Variants in HSPA8 observed in about 807,000 individuals in gnomAD.
HSPA8 encodes the protein heat shock cognate 71 kDa protein.
In HSPA8, 2 loss-of-function variants were observed where a neutral mutation model predicts 52.8. The observed-to-expected ratio is 0.04, with a 90% CI of 0.02 to 0.12. HSPA8 has a LOEUF of 0.12. HSPA8 is among the 10% of genes least tolerant of loss of function. HSPA8 has a pLI of 1.00. For synonymous variants in HSPA8, 436 were observed against 274.0 expected (o/e 1.59, Z -5.84); for missense variants, 349 against 800.5 (o/e 0.44, Z 6.81).
rs1319082567 is a variant in HSPA8, at chr11:123,060,809, T to C, written c.206-11A>G. 3.7e-6 allele frequency: 6 copies of C among 1,601,896 alleles called. No homozygotes were observed. Among genetic ancestry groups the C allele is most frequent in the Non-Finnish European group, 5.1e-6 (6 of 1,176,946 alleles). On this transcript the variant is annotated splice_polypyrimidine_tract_variant and intron_variant, in intron 2 of 8. Coordinates refer to ENST00000534624, the MANE Select transcript of HSPA8 (RefSeq NM_006597.6). The stretch of plus-strand genomic sequence containing the variant: ...TCAGACGTTTGGCATCTGTAAAAGG[T>C]GTCAAATGAAAACACTTTCAATTTC...
At position 123,057,557 on chromosome 11, in the gene HSPA8, T is replaced by TAAGTGG. The variant is rs1432698354; in HGVS notation, c.*176_*177insCCACTT. On this transcript the variant is annotated 3_prime_UTR_variant, in exon 9 of 9. Coordinates refer to ENST00000534624, the MANE Select transcript of HSPA8 (RefSeq NM_006597.6). Reference sequence around the variant, plus strand: ...TTTTCCACTTACAATACAGTGTTTATAAAGTGCAATGTTATTTCCTTCCCC... The same window carrying TAAGTGG: ...TTTTCCACTTACAATACAGTGTTTATAAGTGGAAAGTGCAATGTTATTTCCTTCCCC... 1 of 540,820 alleles carries TAAGTGG rather than the reference T, an allele frequency of 1.8e-6. No homozygotes were observed. Among genetic ancestry groups the TAAGTGG allele is most frequent in the Non-Finnish European group, 3.2e-6 (1 of 307,804 alleles). 33.5% of individuals were successfully genotyped at this position (540,820 alleles called of 1,614,324 possible).
rs1183191874 is a variant in HSPA8 at position 123,057,543 on chromosome 11, C to T, written c.*191G>A. ...TTTAAGACATTGCATTTTCCACTTA[C>T]AATACAGTGTTTATAAAGTGCAATG... On this transcript the variant is annotated 3_prime_UTR_variant, in exon 9 of 9. Transcript: ENST00000534624. 2.0e-6 allele frequency: 1 copy of T among 494,540 alleles called. No homozygotes were observed. Among genetic ancestry groups the T allele is most frequent in the Non-Finnish European group, 3.5e-6 (1 of 282,224 alleles). The allele number at this position is 494,540 out of a possible 1,614,324, so 30.6% of individuals were successfully genotyped here.
At position 123,060,042 on chromosome 11, in the gene HSPA8, C is replaced by A; in HGVS notation, c.565-14G>T. The A allele has an allele frequency of 6.2e-7, 1 of 1,614,056 alleles. No individual in the cohort carries two copies. The highest frequency in any genetic ancestry group is 8.5e-7 in the Non-Finnish European group (1 of 1,179,950). On this transcript the variant is annotated splice_polypyrimidine_tract_variant and intron_variant, in intron 4 of 8. Coordinates refer to ENST00000534624, the MANE Select transcript of HSPA8 (RefSeq NM_006597.6). ...TTCTGCTCCAACCTGCCGTTAAAAA[C>A]AATCTCATTTAAATTTACGATGGAT... is the stretch of plus-strand genomic sequence containing the variant.
chr11:123,058,403 T>C lies in HSPA8; in HGVS notation c.1604A>G (p.Lys535Arg). ...CTCAAGTGAATTCTTGGATGACACC[T>C]TGTCCCTCTGCTTCTCATCTTCAGC... ...YKAEDEKQRD[K>R]VSSKNSLESY... Residue 535 changes from lysine (K) to arginine (R), a missense_variant, in exon 8 of 9, where the codon AAG becomes AGG. Coordinates refer to ENST00000534624, the MANE Select transcript of HSPA8 (RefSeq NM_006597.6). The C allele has an allele frequency of 6.2e-7, 1 of 1,613,964 alleles. No homozygotes were observed. The highest frequency in any genetic ancestry group is 8.5e-7 in the Non-Finnish European group (1 of 1,179,914).
intron 2 of HSPA8, 90 bp downstream of exon 2, chr11:123,061,030 A>G (rs1380428285): frequency 6.7e-6 from 8 of 1,198,252 alleles, no homozygotes; most frequent in Non-Finnish European, 9.7e-6. Context: ...AGTTTTTCTA[A>G]AATCAAAAAG....
chr11:123,061,620 G>A lies in HSPA8; in HGVS notation c.-5-291C>T, dbSNP rs918523440. The A allele has an allele frequency of 6.7e-6, 3 of 447,194 alleles. No homozygotes were observed. In the South Asian group the frequency reaches 6.9e-5, roughly 10 times the overall value. 27.7% of individuals were successfully genotyped at this position (447,194 alleles called of 1,614,324 possible). Reference sequence around the variant, plus strand: ...TGAGCACTGTCTGTTCCCCTCCCTCGCCAGGTGCCAGTGCCCCCGGGAGTC... The same window carrying A: ...TGAGCACTGTCTGTTCCCCTCCCTCACCAGGTGCCAGTGCCCCCGGGAGTC... On this transcript the variant is annotated intron_variant, in intron 1 of 8. Transcript: ENST00000534624.
chr11:123,058,227 A>AG (rs1865372803), intron 8 of HSPA8, 25 bp downstream of exon 8: 1 of 420,134 alleles, frequency 2.4e-6, no homozygotes, highest in South Asian at 3.9e-5. Flanking sequence ...GTGGGGGAGG[A>AG]AAAAAAAAAA....
In HSPA8 at chr11:123,061,190, C is replaced by G; in HGVS notation, c.135G>C (p.Thr45=). ...CATCACCGATCAACCGTTCAGTGTC[C>G]GTAAAGGCGACATAGCTTGGAGTGG... is the stretch of plus-strand genomic sequence containing the variant. ...NRTTPSYVAF[T]DTERLIGDAA... The change falls in exon 2 of 9, where the codon ACG becomes ACC. Residue 45 remains threonine, a synonymous_variant. Transcript: ENST00000534624. The G allele has an allele frequency of 6.2e-7, 1 of 1,613,806 alleles. No individual in the cohort carries two copies. Among genetic ancestry groups the G allele is most frequent in the South Asian group, 1.1e-5 (1 of 91,044 alleles).
intron 2 of HSPA8, 69 bp from the exon 3 acceptor site, chr11:123,060,867 TA>T (rs1305878323): frequency 3.0e-5 from 41 of 1,383,008 alleles, no homozygotes; most frequent in Non-Finnish European, 4.2e-5. Flanking sequence ...AGTCCATGAT[TA>T]CTCAAATACC....
rs1321336550 is a variant in HSPA8, at chr11:123,059,101, G to A, written c.1281C>T (p.Thr427=). 6 of 1,612,302 alleles carry A rather than the reference G, an allele frequency of 3.7e-6. No individual in the cohort carries two copies. In the African/African-American group the frequency reaches 6.7e-5, roughly 18 times the overall value. Residue 427 remains threonine (T), a synonymous_variant, in exon 6 of 9, where the codon ACC becomes ACT. Transcript: ENST00000534624. ...GCTGGTTGTCAGAATAGGTAGTGAA[G>A]GTCTGTGTCTGCTTGGTAGGAATGG... ...NTTIPTKQTQ[T]FTTYSDNQPG... is the part of the protein sequence containing the mutation.
At chr11:123,061,052 C>G in intron 2 of HSPA8, 68 bp downstream of exon 2, 1 of 1,374,550 alleles carries the variant, frequency 7.3e-7, no homozygotes, top group South Asian at 1.2e-5. Context: ...TCCCTCCTCA[C>G]GTTTCATAAA....
Position 123,057,839 on chromosome 11 carries a change from C to T in HSPA8, c.1836G>A (p.Gln612=). 6.2e-7 allele frequency: 1 copy of T among 1,613,774 alleles called. No individual in the cohort carries two copies. Among genetic ancestry groups the T allele is most frequent in the African/African-American group, 1.3e-5 (1 of 75,038 alleles). The change falls in exon 9 of 9, where the codon CAG becomes CAA. Residue 612 remains glutamine (Q), a synonymous_variant. Transcript: ENST00000534624. The stretch of plus-strand genomic sequence containing the variant: ...TTCCTCCTGGCATGCCTCCTGCACT[C>T]TGGTACAGCTTGGTGATGATGGGGT... ...VCNPIITKLY[Q]SAGGMPGGMP...
At chr11:123,060,938 ACCT>A in intron 2 of HSPA8, 140 bp from the exon 3 acceptor site, 2 of 890,980 alleles carry the variant, frequency 2.2e-6, no homozygotes, top group Non-Finnish European at 1.8e-6. Context: ...TCAAACTTCA[ACCT>A]CCTACGTTAT....
chr11:123,058,848 C>T lies in HSPA8; in HGVS notation c.1324-18G>A. On this transcript the variant is annotated intron_variant, in intron 6 of 8. Transcript: ENST00000534624. ...TCATAAACCTTGGTAGGAAATAAAA[C>T]AAATTACTACAATGGACTCCAGGTC... 6.2e-7 allele frequency: 1 copy of T among 1,606,834 alleles called. No individual in the cohort carries two copies. Among genetic ancestry groups the T allele is most frequent in the African/African-American group, 1.3e-5 (1 of 74,852 alleles).
chr11:123,057,637 GCTTAA>G lies in HSPA8; in HGVS notation c.*92_*96del, dbSNP rs1865343969. On this transcript the variant is annotated 3_prime_UTR_variant, in exon 9 of 9. Coordinates refer to ENST00000534624, the MANE Select transcript of HSPA8 (RefSeq NM_006597.6). ...GAATGCCCAGTAACTTACTATAGCA[GCTTAA>G]CTTTTTAAAACTGCCACAGAATTTG... The G allele has an allele frequency of 1.3e-5, 12 of 927,292 alleles. No individual in the cohort carries two copies. Among genetic ancestry groups the G allele is most frequent in the Admixed American group, 8.0e-5 (3 of 37,728 alleles). 57.4% of individuals were successfully genotyped at this position (927,292 alleles called of 1,614,324 possible).
At position 123,061,347 on chromosome 11, in the gene HSPA8, C is replaced by T; in HGVS notation, c.-5-18G>A. 6.3e-7 allele frequency: 1 copy of T among 1,591,238 alleles called. No homozygotes were observed. Among genetic ancestry groups the T allele is most frequent in the Non-Finnish European group, 8.6e-7 (1 of 1,160,834 alleles). On this transcript the variant is annotated intron_variant, in intron 1 of 8. Transcript: ENST00000534624. ...CATGGTTGCTGAAAAAAAGAAAAAT[C>T]TGGTTTAAAAATTCAATTAATCAAA... is the stretch of plus-strand genomic sequence containing the variant.
At chr11:123,058,506 A>T (rs1440297876) in intron 7 of HSPA8, 22 bp from the exon 8 acceptor site, 3 of 1,608,172 alleles carry the variant, frequency 1.9e-6, no homozygotes, top group South Asian at 1.1e-5. Context: ...ATTAACTCTA[A>T]GTAAAAGCCT....
chr11:123,061,601 C>CT (rs980339195), intron 1 of HSPA8: 3 of 493,298 alleles, frequency 6.1e-6, no homozygotes, highest in Admixed American at 3.4e-5. Context: ...GAACTGAGCA[C>CT]TGTCTGTTCC....
rs769628143 is a variant in HSPA8 at position 123,058,239 on chromosome 11, A to C, written c.1755+13T>G. ...TGAGTGGGGGAGGAAAAAAAAAAAA[A>C]AAAAACACAAACCTGATTCTTATCA... is the stretch of plus-strand genomic sequence containing the variant. On this transcript the variant is annotated intron_variant, in intron 8 of 8. Transcript: ENST00000534624. 8 of 1,513,294 alleles carry C rather than the reference A, an allele frequency of 5.3e-6. No homozygotes were observed. The highest frequency in any genetic ancestry group is 7.2e-6 in the Non-Finnish European group (8 of 1,104,730). 93.7% of individuals were successfully genotyped at this position (1,513,294 alleles called of 1,614,324 possible).
Sources: allele counts gnomAD v4.1 joint callset, GRCh38; gene constraint gnomAD v4.1.1; transcripts MANE v1.5; gene names NCBI Gene and HGNC (gene_info 2026-07-23, HGNC 2026-07-21).